Variants in SLC2A9 observed in about 807,000 individuals in gnomAD.
SLC2A9 encodes solute carrier family 2 member 9.
Under a neutral mutation model 50.6 loss-of-function variants are expected in SLC2A9, and 39 were observed. The observed-to-expected ratio is 0.77, with a 90% CI of 0.60 to 1.01. SLC2A9 has a LOEUF of 1.01. SLC2A9 is among the 50% of genes least tolerant of loss of function. The pLI is 0.00. For synonymous variants in SLC2A9, 324 were observed against 276.9 expected, an observed-to-expected ratio of 1.17 and a Z score of -1.69; for missense variants, 686 against 677.6, an observed-to-expected ratio of 1.01 and a Z score of -0.14.
chr4:9,875,946 G>C (rs1694178004), intron 10 of SLC2A9, among the ~76,000 whole-genome samples: 1 of 152,188 alleles, frequency 6.6e-6, no homozygotes, highest in Admixed American at 6.5e-5. Flanking sequence ...AAAGCCATAG[G>C]CAAGAGCACA....
At chr4:9,859,330 C>T (rs913449395) in intron 10 of SLC2A9, among the ~76,000 whole-genome samples, 35 of 152,214 alleles carry the variant, frequency 2.3e-4, no homozygotes, top group African/African-American at 7.0e-4. Flanking sequence ...CTTAAACAAA[C>T]ACATCTACCA....
At chr4:9,832,628 G>A (rs1040004269) in intron 11 of SLC2A9, among the ~76,000 whole-genome samples, 1 of 152,186 alleles carries the variant, frequency 6.6e-6, no homozygotes, top group Admixed American at 6.5e-5. Flanking sequence ...ATAAGAAAAG[G>A]CTCATAAATG....
At chr4:9,858,363 T>G (rs1202550186) in intron 10 of SLC2A9, among the ~76,000 whole-genome samples, 2 of 152,214 alleles carry the variant, frequency 1.3e-5, no homozygotes, top group Non-Finnish European at 2.9e-5. Flanking sequence ...GGGTTCTCTT[T>G]GTTAATGGAC....
At chr4:9,967,789 A>C (rs1052281536) in intron 5 of SLC2A9, among the ~76,000 whole-genome samples, 1 of 151,024 alleles carries the variant, frequency 6.6e-6, no homozygotes, top group African/African-American at 2.4e-5. Context: ...TCCTAAAATA[A>C]AGTGACTGGT....
chr4:10,025,636 A>G, upstream of SLC2A9: 5 of 464,686 alleles, frequency 1.1e-5, no homozygotes, highest in Non-Finnish European at 2.0e-5. Context: ...CCTTGTTGAG[A>G]AATGACCTTT....
At chr4:9,985,646 TC>T (rs998393028) in intron 4 of SLC2A9, 22 bp downstream of exon 4, 3 of 1,613,700 alleles carry the variant, frequency 1.9e-6, no homozygotes, top group Non-Finnish European at 2.5e-6. Flanking sequence ...TACTGTTCCC[TC>T]CCCGTCATGG....
chr4:9,979,394 C>G (rs1307060024), intron 5 of SLC2A9, among the ~76,000 whole-genome samples: 6 of 152,090 alleles, frequency 3.9e-5, no homozygotes, highest in African/African-American at 1.4e-4. Context: ...GTGCACTGTT[C>G]GTGCCTAGAA....
chr4:9,879,929 C>A (rs1734922782), intron 10 of SLC2A9: 1 of 985,420 alleles, frequency 1.0e-6, no homozygotes, highest in East Asian at 1.1e-4. Context: ...TCTTTGCTTT[C>A]ACCTAATTTC....
chr4:9,877,070 G>C (rs1305893513), intron 10 of SLC2A9, among the ~76,000 whole-genome samples: 3 of 152,136 alleles, frequency 2.0e-5, no homozygotes, highest in Non-Finnish European at 4.4e-5. Context: ...CGGAGGATTA[G>C]AAAGCAATTT....
intron 10 of SLC2A9, among the ~76,000 whole-genome samples, chr4:9,847,731 A>G (rs1333753394): frequency 6.6e-6 from 1 of 152,246 alleles, no homozygotes; most frequent in African/African-American, 2.4e-5. Flanking sequence ...GGGCAGTAAT[A>G]ATAAAAATAG....
At chr4:9,818,322 T>C (rs150654582) in intron 3 of SLC2A9, among the ~76,000 whole-genome samples, 43 of 152,338 alleles carry the variant, frequency 2.8e-4, no homozygotes, top group African/African-American at 1.0e-3. Flanking sequence ...TGGCTCAAGT[T>C]TTTGTTTGGA....
intron 11 of SLC2A9, among the ~76,000 whole-genome samples, chr4:9,827,709 A>C (rs1725362898): frequency 6.6e-6 from 1 of 152,168 alleles, no homozygotes; most frequent in Non-Finnish European, 1.5e-5. Flanking sequence ...ATTCCCTTTA[A>C]AGTGCCACAT....
At chr4:9,776,657 AG>A (rs944286404), downstream of SLC2A9, among the ~76,000 whole-genome samples, 2 of 152,144 alleles carry the variant, frequency 1.3e-5, no homozygotes, top group African/African-American at 4.8e-5. Flanking sequence ...GTACAGTCAA[AG>A]GGTCTGAGTT....
intron 5 of SLC2A9, among the ~76,000 whole-genome samples, chr4:9,965,476 G>C (rs1752916534): frequency 6.6e-6 from 1 of 152,126 alleles, no homozygotes; most frequent in African/African-American, 2.4e-5. Context: ...TAAGTGCTAA[G>C]AAAGAGCTGC....
chr4:9,890,509 C>G, intron 9 of SLC2A9, 101 bp downstream of exon 9: 1 of 1,086,708 alleles, frequency 9.2e-7, no homozygotes, highest in South Asian at 1.3e-5. Context: ...CAAGTGTTTT[C>G]TGTAGAAGTA....
chr4:9,788,352 G>A (rs1719485186), intron 3 of SLC2A9, among the ~76,000 whole-genome samples: 1 of 80,846 alleles, frequency 1.2e-5, no homozygotes, highest in African/African-American at 4.5e-5. Context: ...ACCATGCCCA[G>A]GTAATTTTTT....
chr4:9,845,427 C>CTTTTTTTTTTTTTTTTTTTTTT lies in SLC2A9; in HGVS notation c.1292-10420_1292-10419insAAAAAAAAAAAAAAAAAAAAAA, dbSNP rs1175166447. Among the ~76,000 whole-genome samples, 13 of 108,672 alleles carry CTTTTTTTTTTTTTTTTTTTTTT rather than the reference C, an allele frequency of 1.2e-4. 2 individuals are homozygous for CTTTTTTTTTTTTTTTTTTTTTT. The highest frequency in any genetic ancestry group is 1.6e-4 in the African/African-American group (4 of 24,530). The allele number at this position is 108,672 out of a possible 152,430, so 71.3% of individuals were successfully genotyped here. On this transcript the variant is annotated intron_variant, in intron 10 of 11. Coordinates refer to ENST00000264784, the MANE Select transcript of SLC2A9 (RefSeq NM_020041.3). ...CCAATGGAACCACGATCATCAATTTCTTTTTTTTTTTTTTTTTTTTGAGAC... is the reference window on the plus strand; with the variant it reads ...CCAATGGAACCACGATCATCAATTTCTTTTTTTTTTTTTTTTTTTTTTTTTTTTTTTTTTTTTTTTTTGAGAC...
chr4:9,774,472 G>A (rs959919594), intron 1 of SLC2A9, among the ~76,000 whole-genome samples: 25 of 152,162 alleles, frequency 1.6e-4, no homozygotes, highest in Non-Finnish European at 1.3e-4. Flanking sequence ...CAGCCCAAAT[G>A]TCATATTTTC....
intron 5 of SLC2A9, among the ~76,000 whole-genome samples, chr4:9,959,715 A>G (rs894217341): frequency 6.6e-6 from 1 of 152,214 alleles, no homozygotes; most frequent in Non-Finnish European, 1.5e-5. Flanking sequence ...TAGTTGAAAT[A>G]TGAATACTTT....
Sources: allele counts gnomAD v4.1 joint callset (sites outside exome capture counted in the v4.1 genomes callset), GRCh38; gene constraint gnomAD v4.1.1; transcripts MANE v1.5; gene names NCBI Gene and HGNC (gene_info 2026-07-23, HGNC 2026-07-21).